Variants in CHN1 observed in about 807,000 individuals in gnomAD.
CHN1 encodes chimerin 1, also known as N-chimaerin.
A neutral mutation model predicts 59.5 loss-of-function variants in CHN1; 37 were observed. The observed-to-expected ratio is 0.62, with a 90% CI of 0.48 to 0.82. CHN1 has a LOEUF of 0.82. Ranked by LOEUF, CHN1 falls within the 40% of genes least tolerant of loss-of-function variation. CHN1 has a pLI of 0.00. For missense variants in CHN1, 469 were observed against 571.0 expected (o/e 0.82, Z 1.82); for synonymous variants, 206 against 200.4 (o/e 1.03, Z -0.24).
rs148665901 is a variant in CHN1 at position 174,888,766 on chromosome 2, T to C, written c.261-10638A>G. Among the ~76,000 whole-genome samples the C allele has an allele frequency of 4.4e-3, 673 of 152,302 alleles. 5 individuals are homozygous for C. The highest frequency in any genetic ancestry group is 0.015 in the African/African-American group (633 of 41,560). ...AGTGGGGAGAAGAGTGGAACATGCA[T>C]GCAATGTTGGCTTTTTAGAGGGTTT... On this transcript the variant is annotated intron_variant, in intron 5 of 12. Transcript: ENST00000409900.
chr2:174,848,421 C>A (rs958087631), intron 6 of CHN1, among the ~76,000 whole-genome samples: 9 of 152,122 alleles, frequency 5.9e-5, no homozygotes, highest in Non-Finnish European at 1.2e-4. Flanking sequence ...CACTAAGGTG[C>A]TACAGGATGC....
intron 8 of CHN1, among the ~76,000 whole-genome samples, chr2:174,814,533 G>A (rs931441110): frequency 2.0e-5 from 3 of 152,158 alleles, no homozygotes; most frequent in Non-Finnish European, 4.4e-5. Flanking sequence ...GTGATTTTGA[G>A]TGAGTTGCTC....
chr2:175,004,841 G>C, intron 1 of CHN1, 53 bp downstream of exon 1: 1 of 1,213,632 alleles, frequency 8.2e-7, no homozygotes, highest in African/African-American at 1.6e-5. Flanking sequence ...CCCCGCCCCC[G>C]AGCCCCGGGA....
At chr2:174,815,636 T>C (rs1223490501) in intron 8 of CHN1, among the ~76,000 whole-genome samples, 1 of 151,766 alleles carries the variant, frequency 6.6e-6, no homozygotes, top group Admixed American at 6.6e-5. Flanking sequence ...TAATTGCTTG[T>C]TGGGGGCATT....
chr2:174,856,641 G>C (rs184978445), intron 6 of CHN1, among the ~76,000 whole-genome samples: 50 of 152,278 alleles, frequency 3.3e-4, no homozygotes, highest in Admixed American at 5.9e-4. Context: ...CAAGGAGGAG[G>C]GGGTGGAATG....
intron 1 of CHN1, among the ~76,000 whole-genome samples, chr2:174,952,559 G>A (rs1406675064): frequency 6.6e-6 from 1 of 151,984 alleles, no homozygotes; most frequent in Non-Finnish European, 1.5e-5. Flanking sequence ...TAAAATTATT[G>A]AATTTTTCTT....
chr2:174,800,071 A>T lies in CHN1; in HGVS notation c.*45T>A. 3 of 1,424,978 alleles carry T rather than the reference A, an allele frequency of 2.1e-6. No individual in the cohort carries two copies. Among genetic ancestry groups the T allele is most frequent in the Non-Finnish European group, 1.9e-6 (2 of 1,038,094 alleles). 88.3% of individuals were successfully genotyped at this position (1,424,978 alleles called of 1,614,324 possible). A position where few individuals can be genotyped will look rare whatever the true frequency, so the allele number is the denominator to read the frequency against. Reference sequence around the variant, plus strand: ...GGAGCAAATTAAATTACTATAAAACATTCCTTCATCTGTAAAACATTTCTT... The same window carrying T: ...GGAGCAAATTAAATTACTATAAAACTTTCCTTCATCTGTAAAACATTTCTT... On this transcript the variant is annotated 3_prime_UTR_variant, in exon 13 of 13. Transcript: ENST00000409900.
At chr2:174,875,865 C>T in intron 6 of CHN1, 2 of 980,784 alleles carry the variant, frequency 2.0e-6, no homozygotes, top group African/African-American at 1.7e-5. Flanking sequence ...TTGGATGACA[C>T]CTGTAAATAA....
chr2:174,808,863 G>A, intron 11 of CHN1, 42 bp downstream of exon 11: 1 of 1,604,950 alleles, frequency 6.2e-7, no homozygotes, highest in Non-Finnish European at 8.5e-7. Context: ...ATTACCAAGA[G>A]GACGTTGTCA....
At chr2:174,997,051 T>C (rs1691732371) in intron 1 of CHN1, among the ~76,000 whole-genome samples, 1 of 152,220 alleles carries the variant, frequency 6.6e-6, no homozygotes, top group Non-Finnish European at 1.5e-5. Context: ...TTTTATTGTC[T>C]GTCTCCCTCC....
At chr2:174,942,887 A>G (rs1689706787) in intron 3 of CHN1, among the ~76,000 whole-genome samples, 1 of 151,850 alleles carries the variant, frequency 6.6e-6, no homozygotes, top group African/African-American at 2.4e-5. Context: ...CCATCTCTAC[A>G]AAAAAGTACA....
intron 3 of CHN1, among the ~76,000 whole-genome samples, chr2:174,933,343 T>C (rs547353548): frequency 1.3e-5 from 2 of 152,218 alleles, no homozygotes; most frequent in African/African-American, 4.8e-5. Flanking sequence ...AGAGATCAGG[T>C]TGAAGCAGCA....
chr2:174,799,220 G>T lies in CHN1; in HGVS notation c.*896C>A. 4.5e-6 allele frequency: 1 copy of T among 220,146 alleles called. No homozygotes were observed. The highest frequency in any genetic ancestry group is 9.9e-5 in the East Asian group (1 of 10,056). 13.6% of individuals were successfully genotyped at this position (220,146 alleles called of 1,614,324 possible). A position where few individuals can be genotyped will look rare whatever the true frequency, so the allele number is the denominator to read the frequency against. ...GATTTCTGCCAGAGTAATATAAGAAGAAAAATAAATGGAATTAATGGTTGT... is the reference window on the plus strand; with the variant it reads ...GATTTCTGCCAGAGTAATATAAGAATAAAAATAAATGGAATTAATGGTTGT... On this transcript the variant is annotated 3_prime_UTR_variant, in exon 13 of 13. Transcript: ENST00000409900.
intron 6 of CHN1, among the ~76,000 whole-genome samples, chr2:174,853,902 G>A (rs552429471): frequency 7.2e-5 from 11 of 152,184 alleles, no homozygotes; most frequent in South Asian, 4.2e-4. Flanking sequence ...GAGCATGCAC[G>A]AACATAAACT....
chr2:174,998,462 A>G (rs555446956), intron 1 of CHN1, among the ~76,000 whole-genome samples: 2 of 152,168 alleles, frequency 1.3e-5, no homozygotes, highest in Non-Finnish European at 2.9e-5. Flanking sequence ...ACAAAAATCT[A>G]TTCAAGGAGA....
intron 6 of CHN1, among the ~76,000 whole-genome samples, chr2:174,868,021 A>G (rs1412471599): frequency 6.6e-6 from 1 of 152,224 alleles, no homozygotes; most frequent in African/African-American, 2.4e-5. Context: ...AAACTCATCA[A>G]AATGTTAACA....
chr2:174,827,766 G>A (rs1383851989), intron 7 of CHN1, among the ~76,000 whole-genome samples: 1 of 152,154 alleles, frequency 6.6e-6, no homozygotes, highest in Admixed American at 6.5e-5. Context: ...AATCAACAGC[G>A]CTTGGTAACT....
rs1171025004 is a variant in CHN1 at position 174,927,806 on chromosome 2, A to T, written c.115-9241T>A. 2.6e-5 allele frequency among the ~76,000 whole-genome samples: 4 copies of T among 152,372 alleles called. No homozygotes were observed. The East Asian group carries it at 7.7e-4, about 29-fold the overall frequency. On this transcript the variant is annotated intron_variant, in intron 3 of 12. Transcript: ENST00000409900. ...TCACCCTGTGAAAAATGATACACAT[A>T]GGCAGGCAATTTAGCATTTTAAACC...
intron 3 of CHN1, among the ~76,000 whole-genome samples, chr2:174,934,491 G>A (rs898245095): frequency 6.6e-5 from 10 of 152,146 alleles, no homozygotes; most frequent in African/African-American, 2.2e-4. Flanking sequence ...CCTGCTGTGC[G>A]GCCCAGTTCC....
Sources: gnomAD v4.1 joint callset for allele counts (sites outside exome capture counted in the v4.1 genomes callset) on GRCh38, gnomAD v4.1.1 for gene constraint, MANE v1.5 for transcripts, NCBI Gene and HGNC (gene_info 2026-07-23, HGNC 2026-07-21) for gene names.